Variants in ONECUT2 observed in about 807,000 individuals in gnomAD.
The protein encoded by ONECUT2 is one cut domain family member 2.
A neutral mutation model predicts 27.9 loss-of-function variants in ONECUT2; 10 were observed. The ratio of observed to expected loss-of-function variants is 0.36; its 90% CI spans 0.22 to 0.61. The LOEUF (loss-of-function observed/expected upper bound fraction) is 0.61, where lower values mean the gene tolerates loss of function less well. ONECUT2 is among the 20% of genes least tolerant of loss of function. The pLI, the probability that ONECUT2 is intolerant of heterozygous loss-of-function variation, is 0.73. For synonymous variants in ONECUT2, 334 were observed against 315.1 expected, an observed-to-expected ratio of 1.06 and a Z score of -0.64; for missense variants, 686 against 721.0, an observed-to-expected ratio of 0.95 and a Z score of 0.56.
rs1367917935 is a variant in ONECUT2 at position 57,435,825 on chromosome 18, G to A, written c.109G>A (p.Gly37Ser). ...TCTGGGCACTTTGCACGGGCCGGCC[G>A]GCGGCGGCAGTGGCGGGGGCGGCGG... Reference protein sequence around the residue: ...ESLGTLHGPAGGGSGGGGGGG... With the variant: ...ESLGTLHGPASGGSGGGGGGG... Residue 37 changes from glycine to serine, a missense_variant, in exon 1 of 2, where the codon GGC becomes AGC. By Grantham distance (56) the Gly-to-Ser change is moderately conservative (BLOSUM62 0). Coordinates refer to ENST00000491143, the MANE Select transcript of ONECUT2 (RefSeq NM_004852.3). 9.0e-7 allele frequency: 1 copy of A among 1,116,118 alleles called. No individual in the cohort carries two copies. Among genetic ancestry groups the A allele is most frequent in the Non-Finnish European group, 1.1e-6 (1 of 898,268 alleles). 69.1% of individuals were successfully genotyped at this position (1,116,118 alleles called of 1,614,324 possible).
rs556255141 is a variant in ONECUT2 at position 57,475,182 on chromosome 18, G to A, written c.1229-1255G>A. 4.7e-5 allele frequency among the ~76,000 whole-genome samples: 7 copies of A among 150,050 alleles called. No homozygotes were observed. The South Asian group carries it at 6.4e-4, about 14-fold the overall frequency. ...AGCGATTCTCCTGCCTCAGCATCCCGAGTAGCTGGGATTACAGGTGCCCAC... is the reference window on the plus strand; with the variant it reads ...AGCGATTCTCCTGCCTCAGCATCCCAAGTAGCTGGGATTACAGGTGCCCAC... On this transcript the variant is annotated intron_variant, in intron 1 of 1. Transcript: ENST00000491143.
intron 1 of ONECUT2, among the ~76,000 whole-genome samples, chr18:57,466,594 A>G (rs1049492102): frequency 4.1e-4 from 62 of 152,348 alleles, no homozygotes; most frequent in African/African-American, 1.3e-3. Flanking sequence ...TAGGCAGAAG[A>G]GATGACTGGG....
intron 1 of ONECUT2, among the ~76,000 whole-genome samples, chr18:57,454,002 G>T (rs879306377): frequency 3.3e-5 from 5 of 152,104 alleles, no homozygotes; most frequent in African/African-American, 1.2e-4. Context: ...TGTTCGAGCT[G>T]TAATTGAAGA....
At chr18:57,443,413 A>T (rs574606144) in intron 1 of ONECUT2, among the ~76,000 whole-genome samples, 13 of 151,630 alleles carry the variant, frequency 8.6e-5, no homozygotes, top group Non-Finnish European at 1.9e-4. Context: ...CAGGGAGACA[A>T]CTCTTCTTAG....
rs1277453898 is a variant in ONECUT2, at chr18:57,477,704, A to T, written c.*981A>T. ...GTGCATGGAGCGAATGCAGCATTTT[A>T]AAAGATCTAGGTTTTTTTAGGTCAT... On this transcript the variant is annotated 3_prime_UTR_variant, in exon 2 of 2. Coordinates refer to ENST00000491143, the MANE Select transcript of ONECUT2 (RefSeq NM_004852.3). 1 of 152,630 alleles carries T rather than the reference A, an allele frequency of 6.6e-6. No individual in the cohort carries two copies. The highest frequency in any genetic ancestry group is 1.9e-4 in the East Asian group (1 of 5,206). The allele number at this position is 152,630 out of a possible 1,614,324, so 9.5% of individuals were successfully genotyped here. A position where few individuals can be genotyped will look rare whatever the true frequency, so the allele number is the denominator to read the frequency against.
In ONECUT2 at chr18:57,489,720, A is replaced by T. The variant is rs2050455650; in HGVS notation, c.*12997A>T. 1 of 152,162 alleles carries T rather than the reference A, an allele frequency of 6.6e-6. No homozygotes were observed. The allele number at this position is 152,162 out of a possible 1,614,324, so 9.4% of individuals were successfully genotyped here. ...ATACCATTAACAGATACTTCCTTGA[A>T]GGTAGAATATTATTTCCTTTCTTTA... is the stretch of plus-strand genomic sequence containing the variant. On this transcript the variant is annotated 3_prime_UTR_variant, in exon 2 of 2. Coordinates refer to ENST00000491143, the MANE Select transcript of ONECUT2 (RefSeq NM_004852.3).
rs869129294 is a variant in ONECUT2, at chr18:57,467,345, GTTT to G, written c.1229-9084_1229-9082del. 9.7e-3 allele frequency: 2,193 copies of G among 225,618 alleles called. 36 individuals are homozygous for G. Among genetic ancestry groups the G allele is most frequent in the African/African-American group, 0.036 (1,134 of 31,792 alleles). 14.0% of individuals were successfully genotyped at this position (225,618 alleles called of 1,614,324 possible). ...CCATTGATCATCCACATTTCCTTTGGTTTTTTTTTTGTTTGTTTGTTTGTTTGT... is the reference window on the plus strand; with the variant it reads ...CCATTGATCATCCACATTTCCTTTGGTTTTTTTGTTTGTTTGTTTGTTTGT... On this transcript the variant is annotated intron_variant, in intron 1 of 1. Transcript: ENST00000491143.
In ONECUT2 at chr18:57,449,178, T is replaced by C. The variant is rs376861710; in HGVS notation, c.1228+12234T>C. On this transcript the variant is annotated intron_variant, in intron 1 of 1. Coordinates refer to ENST00000491143, the MANE Select transcript of ONECUT2 (RefSeq NM_004852.3). Reference sequence around the variant, plus strand: ...GTGAAGTTTTCTCTGTCCTCCTAAATTGGGATCTCTTTGGACCATCCCTCC... The same window carrying C: ...GTGAAGTTTTCTCTGTCCTCCTAAACTGGGATCTCTTTGGACCATCCCTCC... Among the ~76,000 whole-genome samples the C allele has an allele frequency of 1.8e-4, 27 of 152,336 alleles. No homozygotes were observed. The East Asian group carries it at 3.5e-3, about 20-fold the overall frequency.
intron 1 of ONECUT2, among the ~76,000 whole-genome samples, chr18:57,437,449 G>A (rs1280730429): frequency 6.6e-6 from 1 of 152,244 alleles, no homozygotes; most frequent in Non-Finnish European, 1.5e-5. Context: ...GCTCTGCAGA[G>A]GGAAAAGAGC....
intron 1 of ONECUT2, among the ~76,000 whole-genome samples, chr18:57,452,588 C>T (rs2144313918): frequency 6.6e-6 from 1 of 152,262 alleles, no homozygotes; most frequent in East Asian, 1.9e-4. Context: ...CTATGCCCAG[C>T]TAATTTTCAT....
intron 1 of ONECUT2, among the ~76,000 whole-genome samples, chr18:57,472,010 CCAAATGGT>C (rs2050356861): frequency 6.6e-6 from 1 of 152,160 alleles, no homozygotes; most frequent in African/African-American, 2.4e-5. Context: ...AGAATCAGAT[CCAAATGGT>C]CTAGACAGGG....
rs1234123495 is a variant in ONECUT2 at position 57,483,314 on chromosome 18, A to G, written c.*6591A>G. The G allele has an allele frequency of 6.6e-6, 1 of 152,414 alleles. No homozygotes were observed. The highest frequency in any genetic ancestry group is 6.6e-5 in the Admixed American group (1 of 15,248). The allele number at this position is 152,414 out of a possible 1,614,324, so 9.4% of individuals were successfully genotyped here. A position where few individuals can be genotyped will look rare whatever the true frequency, so the allele number is the denominator to read the frequency against. Reference sequence around the variant, plus strand: ...CATCTAAATGGTCTTTAACATGAGAAAGTTTTAGAGGTTATAATTTCCTGC... The same window carrying G: ...CATCTAAATGGTCTTTAACATGAGAGAGTTTTAGAGGTTATAATTTCCTGC... On this transcript the variant is annotated 3_prime_UTR_variant, in exon 2 of 2. Transcript: ENST00000491143.
At chr18:57,443,557 C>A (rs896906330) in intron 1 of ONECUT2, among the ~76,000 whole-genome samples, 1 of 152,204 alleles carries the variant, frequency 6.6e-6, no homozygotes, top group African/African-American at 2.4e-5. Flanking sequence ...CCCTAACCAA[C>A]CTCTGTGCCT....
intron 1 of ONECUT2, among the ~76,000 whole-genome samples, chr18:57,456,242 T>A (rs2050258660): frequency 6.6e-6 from 1 of 152,062 alleles, no homozygotes; most frequent in Non-Finnish European, 1.5e-5. Context: ...GAGTATACAC[T>A]CCAAAAGAAC....
rs142094645 is a variant in ONECUT2, at chr18:57,458,087, G to A, written c.1229-18350G>A. 2.3e-3 allele frequency among the ~76,000 whole-genome samples: 350 copies of A among 152,092 alleles called. 1 individual carries two copies. Among genetic ancestry groups the A allele is most frequent in the African/African-American group, 7.5e-3 (309 of 41,472 alleles). ...GTATACGTATGCAACAAACCTGCAC[G>A]TTGTGCACATGTACCCTAGAATTTA... On this transcript the variant is annotated intron_variant, in intron 1 of 1. Transcript: ENST00000491143.
chr18:57,455,036 G>A (rs538187423), intron 1 of ONECUT2, among the ~76,000 whole-genome samples: 2 of 152,258 alleles, frequency 1.3e-5, no homozygotes, highest in African/African-American at 4.8e-5. Context: ...CAGGTTTGGG[G>A]GGCCTTATCA....
rs1428788465 is a variant in ONECUT2, at chr18:57,481,360, A to G, written c.*4637A>G. ...CTTTTCCCCCTGCAGGCTCTTGGCAATTGTAGGCTTTAGCAAATCCAGAAT... is the reference window on the plus strand; with the variant it reads ...CTTTTCCCCCTGCAGGCTCTTGGCAGTTGTAGGCTTTAGCAAATCCAGAAT... On this transcript the variant is annotated 3_prime_UTR_variant, in exon 2 of 2. Coordinates refer to ENST00000491143, the MANE Select transcript of ONECUT2 (RefSeq NM_004852.3). 1 of 152,230 alleles carries G rather than the reference A, an allele frequency of 6.6e-6. No individual in the cohort carries two copies. The allele number at this position is 152,230 out of a possible 1,614,324, so 9.4% of individuals were successfully genotyped here.
rs2050459840 is a variant in ONECUT2, at chr18:57,490,453, T to A, written c.*13730T>A. On this transcript the variant is annotated 3_prime_UTR_variant, in exon 2 of 2. Coordinates refer to ENST00000491143, the MANE Select transcript of ONECUT2 (RefSeq NM_004852.3). ...TTGACTGCTTGATGGTATTGAAAGG[T>A]GACTATAATGAGGGAAGAAAGGAGG... The A allele has an allele frequency of 6.6e-6, 1 of 152,114 alleles. No individual in the cohort carries two copies. The highest frequency in any genetic ancestry group is 2.4e-5 in the African/African-American group (1 of 41,414). 9.4% of individuals were successfully genotyped at this position (152,114 alleles called of 1,614,324 possible). A position where few individuals can be genotyped will look rare whatever the true frequency, so the allele number is the denominator to read the frequency against.
At chr18:57,461,631 A>C (rs1453441337) in intron 1 of ONECUT2, among the ~76,000 whole-genome samples, 1 of 152,238 alleles carries the variant, frequency 6.6e-6, no homozygotes, top group African/African-American at 2.4e-5. Flanking sequence ...AATGGAGCTT[A>C]ATCCTGCTGA....
Sources: gnomAD v4.1 joint callset for allele counts (sites outside exome capture counted in the v4.1 genomes callset) on GRCh38, gnomAD v4.1.1 for gene constraint, MANE v1.5 for transcripts, NCBI Gene and HGNC (gene_info 2026-07-23, HGNC 2026-07-21) for gene names.